Variants in SETBP1 observed in about 807,000 individuals in gnomAD.
The protein encoded by SETBP1 is SET-binding protein.
SETBP1 carries 9 observed loss-of-function variants against 101.0 expected under a neutral mutation model. The observed-to-expected ratio is 0.09, with a 90% CI of 0.05 to 0.16. The LOEUF (loss-of-function observed/expected upper bound fraction) is 0.16, where lower values mean the gene tolerates loss of function less well. Among genes scored for constraint, SETBP1 ranks in the 10% least tolerant of loss-of-function variants. The pLI is 1.00. For synonymous variants in SETBP1, 818 were observed against 788.5 expected (o/e 1.04, Z -0.63); for missense variants, 1,858 against 2,033.8 (o/e 0.91, Z 1.66).
At chr18:44,739,220 C>G (rs1250597347) in intron 2 of SETBP1, among the ~76,000 whole-genome samples, 1 of 152,204 alleles carries the variant, frequency 6.6e-6, no homozygotes, top group African/African-American at 2.4e-5. Context: ...TGATTAGCAG[C>G]CTTAATTCTG....
intron 5 of SETBP1, among the ~76,000 whole-genome samples, chr18:45,041,467 T>C (rs1025808457): frequency 6.6e-6 from 1 of 152,176 alleles, no homozygotes; most frequent in Non-Finnish European, 1.5e-5. Context: ...TAGAATTACG[T>C]CTGGCTTTAG....
chr18:44,704,859 G>C (rs1479093873), intron 2 of SETBP1, among the ~76,000 whole-genome samples: 1 of 152,166 alleles, frequency 6.6e-6, no homozygotes, highest in Non-Finnish European at 1.5e-5. Context: ...ATCACCTTCT[G>C]GATCTATTTT....
chr18:44,949,344 T>C (rs554475886), intron 3 of SETBP1, among the ~76,000 whole-genome samples: 1 of 152,266 alleles, frequency 6.6e-6, no homozygotes, highest in East Asian at 1.9e-4. Context: ...CAAGCTGAAA[T>C]GAACTGGAAC....
At chr18:45,029,025 A>G (rs903180457) in intron 4 of SETBP1, among the ~76,000 whole-genome samples, 3 of 152,028 alleles carry the variant, frequency 2.0e-5, no homozygotes, top group African/African-American at 7.3e-5. Flanking sequence ...ATTAGATCCT[A>G]TTTGTCAATT....
intron 2 of SETBP1, among the ~76,000 whole-genome samples, chr18:44,865,116 T>G (rs2069100646): frequency 6.6e-6 from 1 of 152,184 alleles, no homozygotes; most frequent in Admixed American, 6.5e-5. Flanking sequence ...AGATATAATC[T>G]CGAGTGGAGA....
chr18:44,905,441 C>T (rs574634050), intron 3 of SETBP1, among the ~76,000 whole-genome samples: 1 of 152,218 alleles, frequency 6.6e-6, no homozygotes, highest in Non-Finnish European at 1.5e-5. Flanking sequence ...ATACACAGCT[C>T]CTAGCACTAT....
At chr18:44,821,191 A>G (rs1362006284) in intron 2 of SETBP1, among the ~76,000 whole-genome samples, 1 of 152,196 alleles carries the variant, frequency 6.6e-6, no homozygotes, top group Non-Finnish European at 1.5e-5. Flanking sequence ...CATACGTGAA[A>G]TCAGGACGTT....
chr18:44,706,155 G>T (rs2069212216), intron 2 of SETBP1, among the ~76,000 whole-genome samples: 1 of 152,090 alleles, frequency 6.6e-6, no homozygotes, highest in South Asian at 2.1e-4. Flanking sequence ...CATGTAACTT[G>T]TTCTTTATCA....
intron 1 of SETBP1, among the ~76,000 whole-genome samples, chr18:44,685,906 T>TTA (rs2068830934): frequency 6.6e-6 from 1 of 152,188 alleles, no homozygotes; most frequent in Non-Finnish European, 1.5e-5. Context: ...AAGTCTCAGG[T>TTA]GGTATCCAGT....
intron 2 of SETBP1, among the ~76,000 whole-genome samples, chr18:44,769,375 T>C (rs886371932): frequency 1.3e-5 from 2 of 152,232 alleles, no homozygotes; most frequent in Non-Finnish European, 2.9e-5. Context: ...AGGTTCAAAA[T>C]ACAAAAGTCC....
At chr18:44,855,808 CT>C (rs1421371834) in intron 2 of SETBP1, among the ~76,000 whole-genome samples, 2 of 152,104 alleles carry the variant, frequency 1.3e-5, no homozygotes, top group Non-Finnish European at 2.9e-5. Context: ...GAGGGGAAGG[CT>C]TTTATAAGCT....
intron 5 of SETBP1, among the ~76,000 whole-genome samples, chr18:45,056,433 G>A (rs2073809758): frequency 6.6e-6 from 1 of 152,154 alleles, no homozygotes; most frequent in Admixed American, 6.6e-5. Flanking sequence ...GTCATCTGAT[G>A]GGCAGCGCAA....
At chr18:44,856,542 A>G (rs565492400) in intron 2 of SETBP1, among the ~76,000 whole-genome samples, 4 of 152,308 alleles carry the variant, frequency 2.6e-5, no homozygotes, top group African/African-American at 7.2e-5. Flanking sequence ...TATCAATCTC[A>G]TATCTTACTA....
chr18:44,991,270 A>G (rs1167524298), intron 4 of SETBP1, among the ~76,000 whole-genome samples: 2 of 150,950 alleles, frequency 1.3e-5, no homozygotes, highest in South Asian at 2.1e-4. Flanking sequence ...AAAAAAAGGA[A>G]GAAACAAGAA....
chr18:44,952,493 T>C lies in SETBP1; in HGVS notation c.3153T>C (p.Tyr1051=), dbSNP rs1281826006. The change falls in exon 4 of 6, where the codon TAT becomes TAC. Residue 1051 remains tyrosine (Y), a synonymous_variant. Transcript: ENST00000649279. ...CCAGTGGAAGTTACTATGCACCCTA[T>C]GGAATGCCTTACACATCAATGCCTA... ...PIPSGSYYAP[Y]GMPYTSMPMM... 6.2e-7 allele frequency: 1 copy of C among 1,614,042 alleles called. No individual in the cohort carries two copies.
intron 3 of SETBP1, among the ~76,000 whole-genome samples, chr18:44,930,192 T>A (rs1041219990): frequency 6.6e-6 from 1 of 152,162 alleles, no homozygotes; most frequent in African/African-American, 2.4e-5. Flanking sequence ...TATTGAGATA[T>A]TCATGTGGTT....
chr18:44,797,638 C>T (rs1334218437), intron 2 of SETBP1, among the ~76,000 whole-genome samples: 1 of 152,144 alleles, frequency 6.6e-6, no homozygotes, highest in African/African-American at 2.4e-5. Context: ...CACCTCCCAG[C>T]TGCAAAACAG....
rs1226733435 is a variant in SETBP1 at position 45,065,164 on chromosome 18, T to C, written c.*1466T>C. On this transcript the variant is annotated 3_prime_UTR_variant, in exon 6 of 6. Coordinates refer to ENST00000649279, the MANE Select transcript of SETBP1 (RefSeq NM_015559.3). ...AGCGTGGACAGATACTCCATCTCTA[T>C]TATCCATTTCCACAGCCCAAATAAA... is the stretch of plus-strand genomic sequence containing the variant. 1 of 152,242 alleles carries C rather than the reference T, an allele frequency of 6.6e-6. No homozygotes were observed. Among genetic ancestry groups the C allele is most frequent in the Non-Finnish European group, 1.5e-5 (1 of 68,038 alleles). The allele number at this position is 152,242 out of a possible 1,614,324, so 9.4% of individuals were successfully genotyped here.
intron 3 of SETBP1, among the ~76,000 whole-genome samples, chr18:44,875,113 C>T (rs901259146): frequency 6.6e-6 from 1 of 152,118 alleles, no homozygotes; most frequent in Non-Finnish European, 1.5e-5. Context: ...CTCTGAGTTA[C>T]CAGGTTGCTT....
Sources: gnomAD v4.1 joint callset for allele counts (sites outside exome capture counted in the v4.1 genomes callset) on GRCh38, gnomAD v4.1.1 for gene constraint, MANE v1.5 for transcripts, NCBI Gene and HGNC (gene_info 2026-07-23, HGNC 2026-07-21) for gene names.